Variants in AGBL4 observed in about 807,000 individuals in gnomAD.
AGBL4 encodes the protein AGBL carboxypeptidase 4.
Under a neutral mutation model 66.4 loss-of-function variants are expected in AGBL4, and 58 were observed. The ratio of observed to expected loss-of-function variants is 0.87; its 90% CI spans 0.71 to 1.09. The LOEUF (loss-of-function observed/expected upper bound fraction) is 1.09, where lower values mean the gene tolerates loss of function less well. Among genes scored for constraint, AGBL4 ranks in the 50% least tolerant of loss-of-function variants. AGBL4 has a pLI of 0.00. For missense variants in AGBL4, 579 were observed against 631.0 expected (o/e 0.92, Z 0.88); for synonymous variants, 234 against 222.9 (o/e 1.05, Z -0.44).
intron 6 of AGBL4, among the ~76,000 whole-genome samples, chr1:48,737,269 G>C (rs889428767): frequency 5.3e-5 from 8 of 152,210 alleles, no homozygotes; most frequent in Admixed American, 5.2e-4. Flanking sequence ...GGGAGACAGA[G>C]CGAGACTCCG....
chr1:50,008,636 T>C (rs1483166442), intron 1 of AGBL4, among the ~76,000 whole-genome samples: 1 of 150,866 alleles, frequency 6.6e-6, no homozygotes, highest in Non-Finnish European at 1.5e-5. Context: ...CCAAAATTAA[T>C]AGAAAAAAAT....
intron 4 of AGBL4, among the ~76,000 whole-genome samples, chr1:49,107,213 T>G (rs1645308728): frequency 6.6e-6 from 1 of 152,210 alleles, no homozygotes; most frequent in Non-Finnish European, 1.5e-5. Flanking sequence ...ATTTTTACTT[T>G]CAGTACTGTA....
chr1:49,836,112 G>C (rs1645842080), intron 2 of AGBL4, among the ~76,000 whole-genome samples: 1 of 152,032 alleles, frequency 6.6e-6, no homozygotes, highest in Non-Finnish European at 1.5e-5. Context: ...TTCCTAATTT[G>C]AATACTGGCC....
At position 49,082,728 on chromosome 1, in the gene AGBL4, C is replaced by G. The variant is rs568957506; in HGVS notation, c.378-36928G>C. Among the ~76,000 whole-genome samples, 3 of 152,174 alleles carry G rather than the reference C, an allele frequency of 2.0e-5. No homozygotes were observed. In the South Asian group the frequency reaches 6.2e-4, roughly 31 times the overall value. On this transcript the variant is annotated intron_variant, in intron 4 of 13. Coordinates refer to ENST00000371839, the MANE Select transcript of AGBL4 (RefSeq NM_032785.4). Reference sequence around the variant, plus strand: ...CATGCCCTCACATTTCAAAACCAATCATGCCTTCCAAACAGTCCCCCAAAG... The same window carrying G: ...CATGCCCTCACATTTCAAAACCAATGATGCCTTCCAAACAGTCCCCCAAAG...
chr1:49,941,506 C>T (rs1425161068), intron 1 of AGBL4, among the ~76,000 whole-genome samples: 3 of 151,976 alleles, frequency 2.0e-5, no homozygotes, highest in Admixed American at 6.6e-5. Context: ...CCAGATTCAA[C>T]AACACATTAA....
intron 1 of AGBL4, among the ~76,000 whole-genome samples, chr1:49,988,535 A>G (rs1393865585): frequency 6.6e-6 from 1 of 152,168 alleles, no homozygotes; most frequent in Admixed American, 6.5e-5. Context: ...AACTTTTTTA[A>G]AAAAGAAAGG....
chr1:49,836,050 T>G (rs755378982), intron 2 of AGBL4, among the ~76,000 whole-genome samples: 1 of 152,136 alleles, frequency 6.6e-6, no homozygotes, highest in Non-Finnish European at 1.5e-5. Flanking sequence ...CTGACGATTA[T>G]GTTTCTTGGG....
At chr1:49,904,903 T>C (rs1180461112) in intron 1 of AGBL4, among the ~76,000 whole-genome samples, 16 of 151,896 alleles carry the variant, frequency 1.1e-4, no homozygotes, top group Admixed American at 1.1e-3. Flanking sequence ...AGCTGTGGGG[T>C]TGGCCTTTGG....
chr1:49,436,696 T>A (rs913148145), intron 3 of AGBL4, among the ~76,000 whole-genome samples: 2 of 152,182 alleles, frequency 1.3e-5, no homozygotes, highest in African/African-American at 4.8e-5. Flanking sequence ...TCTGTATTTT[T>A]AAAAATATTT....
chr1:49,541,665 C>G (rs1652040146), intron 3 of AGBL4, among the ~76,000 whole-genome samples: 1 of 152,196 alleles, frequency 6.6e-6, no homozygotes, highest in African/African-American at 2.4e-5. Flanking sequence ...AGCGCTGCCC[C>G]CTGCTCCACA....
chr1:49,417,962 T>C (rs958246185), intron 3 of AGBL4, among the ~76,000 whole-genome samples: 2 of 152,204 alleles, frequency 1.3e-5, no homozygotes, highest in African/African-American at 4.8e-5. Flanking sequence ...CAGCTTTAGT[T>C]TGTTACACCT....
At chr1:49,919,952 GA>G (rs1652025389) in intron 1 of AGBL4, among the ~76,000 whole-genome samples, 1 of 152,154 alleles carries the variant, frequency 6.6e-6, no homozygotes, top group South Asian at 2.1e-4. Flanking sequence ...ACAACTATCT[GA>G]TCTTTGACAA....
intron 6 of AGBL4, among the ~76,000 whole-genome samples, chr1:48,693,616 T>C (rs1227075146): frequency 2.0e-5 from 3 of 152,198 alleles, no homozygotes; most frequent in African/African-American, 7.2e-5. Context: ...AGATGGGCAC[T>C]CTGCTGGGCA....
chr1:49,191,772 T>C (rs1388412770), intron 4 of AGBL4, among the ~76,000 whole-genome samples: 1 of 152,204 alleles, frequency 6.6e-6, no homozygotes, highest in African/African-American at 2.4e-5. Context: ...TGCATCACTC[T>C]TGCTGCAAAG....
At chr1:49,733,016 A>T (rs1340096627) in intron 2 of AGBL4, among the ~76,000 whole-genome samples, 2 of 152,178 alleles carry the variant, frequency 1.3e-5, no homozygotes, top group Non-Finnish European at 2.9e-5. Context: ...ACAGGGAAAT[A>T]TTAAAAAGGA....
In AGBL4 at chr1:49,968,000, G is replaced by A. The variant is rs1657715896; in HGVS notation, c.34+55763C>T. ...GCACTTTGGGAGACTGAGGCAGGTG[G>A]ATCACCTGAGGTCAGGAGTTCAAGA... On this transcript the variant is annotated intron_variant, in intron 1 of 13. Coordinates refer to ENST00000371839, the MANE Select transcript of AGBL4 (RefSeq NM_032785.4). Among the ~76,000 whole-genome samples, 3 of 152,062 alleles carry A rather than the reference G, an allele frequency of 2.0e-5. No individual in the cohort carries two copies. In the South Asian group the frequency reaches 6.2e-4, roughly 32 times the overall value.
intron 5 of AGBL4, among the ~76,000 whole-genome samples, chr1:48,970,867 G>A (rs1321254232): frequency 6.6e-6 from 1 of 152,010 alleles, no homozygotes; most frequent in African/African-American, 2.4e-5. Context: ...ACAGAGGTTG[G>A]ACACAGTAAC....
At chr1:49,552,514 C>G (rs866309239) in intron 3 of AGBL4, among the ~76,000 whole-genome samples, 1 of 152,220 alleles carries the variant, frequency 6.6e-6, no homozygotes, top group African/African-American at 2.4e-5. Flanking sequence ...TCACTCATCT[C>G]TCTAAATTGA....
chr1:49,577,108 A>T (rs907359757), intron 3 of AGBL4, among the ~76,000 whole-genome samples: 3 of 152,218 alleles, frequency 2.0e-5, no homozygotes, highest in Non-Finnish European at 4.4e-5. Context: ...TGACAAAGAA[A>T]TTTGGGGACA....
Sources: allele counts gnomAD v4.1 joint callset (sites outside exome capture counted in the v4.1 genomes callset), GRCh38; gene constraint gnomAD v4.1.1; transcripts MANE v1.5; gene names NCBI Gene and HGNC (gene_info 2026-07-23, HGNC 2026-07-21).